The following AP3B1 variants were observed in gnomAD, a reference collection of about 807,000 sequenced individuals.
AP3B1 encodes the protein AP-3 complex subunit beta-1.
A neutral mutation model predicts 132.5 loss-of-function variants in AP3B1; 61 were observed. The observed-to-expected ratio is 0.46, with a 90% CI of 0.37 to 0.57. The LOEUF is 0.57. Ranked by LOEUF, AP3B1 falls within the 20% of genes least tolerant of loss-of-function variation. AP3B1 has a pLI of 0.00. For synonymous variants in AP3B1, 388 were observed against 438.3 expected (o/e 0.89, Z 1.43); for missense variants, 1,120 against 1,289.4 (o/e 0.87, Z 2.01).
intron 15 of AP3B1, among the ~76,000 whole-genome samples, chr5:78,131,743 C>G (rs1752695580): frequency 6.6e-6 from 1 of 152,096 alleles, no homozygotes; most frequent in African/African-American, 2.4e-5. Context: ...ATCTTGAGCT[C>G]TCACCATTTA....
intron 22 of AP3B1, chr5:78,043,629 T>A: frequency 2.1e-6 from 1 of 486,734 alleles, no homozygotes; most frequent in East Asian, 5.8e-5. Flanking sequence ...CCCCTGCCAA[T>A]GGGCTCTCCA....
At chr5:78,246,296 T>C (rs1255878967) in intron 2 of AP3B1, among the ~76,000 whole-genome samples, 1 of 152,226 alleles carries the variant, frequency 6.6e-6, no homozygotes, top group African/African-American at 2.4e-5. Flanking sequence ...GCACTGTATT[T>C]TGGGAAATTT....
At chr5:78,255,650 G>A (rs1049496676) in intron 2 of AP3B1, among the ~76,000 whole-genome samples, 3 of 152,032 alleles carry the variant, frequency 2.0e-5, no homozygotes, top group Non-Finnish European at 1.5e-5. Flanking sequence ...TAACAGCTAG[G>A]AGACTTCAAC....
At chr5:78,158,997 A>G (rs974900649) in intron 13 of AP3B1, among the ~76,000 whole-genome samples, 2 of 152,168 alleles carry the variant, frequency 1.3e-5, no homozygotes, top group Non-Finnish European at 2.9e-5. Flanking sequence ...GCGCCCACCC[A>G]TAGGCAAGTA....
intron 21 of AP3B1, among the ~76,000 whole-genome samples, chr5:78,096,838 G>A (rs1259468167): frequency 6.6e-5 from 10 of 150,610 alleles, no homozygotes; most frequent in African/African-American, 2.5e-4. Context: ...CGGGAGGGAG[G>A]GGGGGCTCAG....
intron 17 of AP3B1, among the ~76,000 whole-genome samples, chr5:78,122,702 C>G (rs1423516941): frequency 6.6e-6 from 1 of 152,144 alleles, no homozygotes; most frequent in Non-Finnish European, 1.5e-5. Context: ...AAAGAGGATA[C>G]AAACAAATGG....
chr5:78,157,726 A>G (rs2112359799), intron 13 of AP3B1, among the ~76,000 whole-genome samples: 1 of 152,112 alleles, frequency 6.6e-6, no homozygotes, highest in African/African-American at 2.4e-5. Flanking sequence ...TTAATATTAT[A>G]TTAGAAATAC....
In AP3B1 at chr5:78,148,321, T is replaced by C. The variant is rs1753502801; in HGVS notation, c.1474-7002A>G. Among the ~76,000 whole-genome samples the C allele has an allele frequency of 3.9e-5, 6 of 152,258 alleles. No individual in the cohort carries two copies. In the South Asian group the frequency reaches 1.2e-3, roughly 32 times the overall value. ...ATTTTGCACAAGAAGTCTGGGGAGATACAGAACTCCTAGTTCCTTCTCATA... is the reference window on the plus strand; with the variant it reads ...ATTTTGCACAAGAAGTCTGGGGAGACACAGAACTCCTAGTTCCTTCTCATA... On this transcript the variant is annotated intron_variant, in intron 14 of 26. Transcript: ENST00000255194.
intron 6 of AP3B1, among the ~76,000 whole-genome samples, chr5:78,217,326 A>C (rs943855365): frequency 1.4e-4 from 21 of 152,284 alleles, no homozygotes; most frequent in South Asian, 1.0e-3. Context: ...ACTCGCTATT[A>C]TGCTAAACAA....
At chr5:78,089,594 T>G in intron 21 of AP3B1, 95 bp from the exon 22 acceptor site, 1 of 796,224 alleles carries the variant, frequency 1.3e-6, no homozygotes, top group Non-Finnish European at 2.2e-6. Flanking sequence ...TCTAATTAAA[T>G]TACTTTGATT....
intron 22 of AP3B1, among the ~76,000 whole-genome samples, chr5:78,059,126 C>T (rs897052364): frequency 1.3e-5 from 2 of 152,184 alleles, no homozygotes; most frequent in Admixed American, 6.5e-5. Context: ...AGTAATCACA[C>T]AGATCCTGTA....
chr5:78,169,964 T>C (rs1273027500), intron 11 of AP3B1, among the ~76,000 whole-genome samples: 1 of 152,102 alleles, frequency 6.6e-6, no homozygotes, highest in East Asian at 1.9e-4. Flanking sequence ...TGTCCAAGTG[T>C]TCTCATTGTT....
At chr5:78,217,208 G>C (rs1313268263) in intron 6 of AP3B1, among the ~76,000 whole-genome samples, 2 of 152,062 alleles carry the variant, frequency 1.3e-5, no homozygotes, top group Non-Finnish European at 2.9e-5. Flanking sequence ...AAAAATATTA[G>C]ATACAATGAT....
chr5:78,020,635 G>T, intron 25 of AP3B1, 57 bp downstream of exon 25: 1 of 1,326,330 alleles, frequency 7.5e-7, no homozygotes. Context: ...GACTGTACAG[G>T]AATAAGCACA....
chr5:78,009,838 T>C (rs1448070439), intron 26 of AP3B1, among the ~76,000 whole-genome samples: 1 of 152,142 alleles, frequency 6.6e-6, no homozygotes, highest in Non-Finnish European at 1.5e-5. Context: ...ATAATGAAAG[T>C]TGCTCCAGAA....
At chr5:78,197,779 T>C (rs1157598540) in intron 7 of AP3B1, among the ~76,000 whole-genome samples, 1 of 152,182 alleles carries the variant, frequency 6.6e-6, no homozygotes, top group Non-Finnish European at 1.5e-5. Flanking sequence ...TGTATAAAAA[T>C]TGATAAAGGA....
chr5:78,108,125 G>A (rs1302980241), intron 20 of AP3B1, among the ~76,000 whole-genome samples: 3 of 152,004 alleles, frequency 2.0e-5, no homozygotes, highest in Non-Finnish European at 2.9e-5. Context: ...CATGCTCAGT[G>A]CCCTCAAAAC....
At chr5:78,077,189 T>C (rs1357741454) in intron 22 of AP3B1, among the ~76,000 whole-genome samples, 1 of 152,198 alleles carries the variant, frequency 6.6e-6, no homozygotes, top group Non-Finnish European at 1.5e-5. Context: ...CACTTTTGCA[T>C]TTTGAAATGA....
chr5:78,060,388 T>C (rs976150581), intron 22 of AP3B1, among the ~76,000 whole-genome samples: 2 of 152,220 alleles, frequency 1.3e-5, no homozygotes, highest in Admixed American at 6.5e-5. Flanking sequence ...ATTCAGTCTG[T>C]ATCGGTCTGA....
Sources: allele counts gnomAD v4.1 joint callset (sites outside exome capture counted in the v4.1 genomes callset), GRCh38; gene constraint gnomAD v4.1.1; transcripts MANE v1.5; gene names NCBI Gene and HGNC (gene_info 2026-07-23, HGNC 2026-07-21).